Variants in COL6A6 observed in about 807,000 individuals in gnomAD.
COL6A6 encodes the protein collagen type VI alpha 6 chain.
A neutral mutation model predicts 208.6 loss-of-function variants in COL6A6; 183 were observed. The observed-to-expected ratio is 0.88, with a 90% CI of 0.78 to 0.99. COL6A6 has a LOEUF of 0.99. Ranked by LOEUF, COL6A6 falls within the 50% of genes least tolerant of loss-of-function variation. COL6A6 has a pLI of 0.00. For missense variants in COL6A6, 2,816 were observed against 2,815.2 expected, an observed-to-expected ratio of 1.00 and a Z score of -0.01; for synonymous variants, 973 against 1,011.8, an observed-to-expected ratio of 0.96 and a Z score of 0.73.
chr3:130,563,734 G>A, intron 3 of COL6A6, 70 bp downstream of exon 3: 1 of 1,015,550 alleles, frequency 9.8e-7, no homozygotes, highest in Non-Finnish European at 1.5e-6. Flanking sequence ...GGAGAGGATT[G>A]AAATTCTATG....
At chr3:130,544,967 C>T (rs1429783553) in intron 1 of COL6A6, among the ~76,000 whole-genome samples, 1 of 152,134 alleles carries the variant, frequency 6.6e-6, no homozygotes, top group Non-Finnish European at 1.5e-5. Context: ...CTGTAAGCTG[C>T]CTTTTCATTT....
At chr3:130,581,440 T>C (rs549264837) in intron 8 of COL6A6, 121 bp from the exon 9 acceptor site, 2 of 675,464 alleles carry the variant, frequency 3.0e-6, no homozygotes, top group Admixed American at 6.3e-5. Flanking sequence ...TTTATGCCTT[T>C]CTTTGTGTTC....
intron 33 of COL6A6, among the ~76,000 whole-genome samples, chr3:130,653,345 C>CA (rs1332770618): frequency 6.6e-6 from 1 of 152,116 alleles, no homozygotes; most frequent in Non-Finnish European, 1.5e-5. Flanking sequence ...TGATTAGAGA[C>CA]AGAGTTGAAA....
chr3:130,643,039 A>C lies in COL6A6; in HGVS notation c.5227+16A>C. The C allele has an allele frequency of 6.2e-7, 1 of 1,611,490 alleles. No homozygotes were observed. The highest frequency in any genetic ancestry group is 8.5e-7 in the Non-Finnish European group (1 of 1,177,798). On this transcript the variant is annotated intron_variant, in intron 31 of 36. Coordinates refer to ENST00000358511, the MANE Select transcript of COL6A6 (RefSeq NM_001102608.3). ...GACCGCAGTCGTAAGTACCCTGCTT[A>C]AAATGATCACCCAAGTTGTCAGCAT...
At chr3:130,597,069 A>G (rs900116171) in intron 18 of COL6A6, among the ~76,000 whole-genome samples, 6 of 152,120 alleles carry the variant, frequency 3.9e-5, no homozygotes, top group Non-Finnish European at 4.4e-5. Context: ...GATTCTTTTT[A>G]TGTTATCTCT....
chr3:130,569,714 TG>T (rs1165208445), intron 6 of COL6A6, among the ~76,000 whole-genome samples: 1 of 152,204 alleles, frequency 6.6e-6, no homozygotes, highest in Non-Finnish European at 1.5e-5. Context: ...CCCAGTCTCC[TG>T]GGTAATCCAA....
chr3:130,598,388 C>T lies in COL6A6; in HGVS notation c.4557C>T (p.Ser1519=). The T allele has an allele frequency of 6.4e-7, 1 of 1,550,892 alleles. No homozygotes were observed. The highest frequency in any genetic ancestry group is 8.7e-7 in the Non-Finnish European group (1 of 1,145,984). Residue 1519 remains serine, a synonymous_variant, in exon 19 of 37, where the codon AGC becomes AGT. Transcript: ENST00000358511. ...AGGGAGCTCCTGGAGTTGACAGTAG[C>T]ATAGAAGGACCCACAGGCTTGAAAG... ...GDPGAPGVDS[S]IEGPTGLKGE...
chr3:130,598,774 G>A (rs1407034784), intron 19 of COL6A6, among the ~76,000 whole-genome samples: 2 of 152,164 alleles, frequency 1.3e-5, no homozygotes, highest in African/African-American at 4.8e-5. Flanking sequence ...TCCAGTATCT[G>A]GAGGTAACAT....
intron 24 of COL6A6, among the ~76,000 whole-genome samples, chr3:130,624,275 G>C (rs1023418065): frequency 6.6e-6 from 1 of 152,158 alleles, no homozygotes; most frequent in African/African-American, 2.4e-5. Context: ...ATGTAAGAAA[G>C]AGTAGACAGA....
chr3:130,522,612 G>A (rs1054844561), intron 1 of COL6A6, among the ~76,000 whole-genome samples: 4 of 152,018 alleles, frequency 2.6e-5, no homozygotes, highest in Admixed American at 6.6e-5. Context: ...CTGCCCACAA[G>A]GCACTTGAAG....
Position 130,571,373 on chromosome 3 carries a change from T to A in COL6A6, c.2957T>A (p.Val986Asp), listed in dbSNP as rs772743636. Residue 986 changes from valine to aspartate, a missense_variant, in exon 7 of 37, where the codon GTC (valine) becomes GAC (aspartate). By Grantham distance (152) the Val-to-Asp change is radical (BLOSUM62 -3). Coordinates refer to ENST00000358511, the MANE Select transcript of COL6A6 (RefSeq NM_001102608.3). The stretch of plus-strand genomic sequence containing the variant: ...ATATTTTCAGATGTGACAGCCAGTG[T>A]CTGCAACTCTTCAAAAGTAGGTAAG... The part of the protein sequence containing the change: ...KGIFSDVTAS[V>D]CNSSKVDCEI... 1.9e-6 allele frequency: 3 copies of A among 1,573,270 alleles called. No homozygotes were observed. The East Asian group carries it at 6.7e-5, about 35-fold the overall frequency.
chr3:130,559,799 TATATGGA>T (rs1400071498), intron 1 of COL6A6, among the ~76,000 whole-genome samples: 2 of 152,188 alleles, frequency 1.3e-5, no homozygotes, highest in Admixed American at 1.3e-4. Context: ...AGCAAGACAT[TATATGGA>T]ATATGGAAAA....
chr3:130,621,984 C>A, intron 24 of COL6A6, 101 bp downstream of exon 24: 1 of 994,804 alleles, frequency 1.0e-6, no homozygotes, highest in Non-Finnish European at 1.6e-6. Context: ...AACAAGAACA[C>A]ATTTTCTGGT....
chr3:130,531,067 CT>C (rs2062081861), intron 1 of COL6A6, among the ~76,000 whole-genome samples: 1 of 135,894 alleles, frequency 7.4e-6, no homozygotes, highest in African/African-American at 3.6e-5. Flanking sequence ...CACAGTCTCT[CT>C]CTCTCTCTCT....
chr3:130,592,665 A>G (rs368744730), intron 14 of COL6A6, 31 bp from the exon 15 acceptor site: 51 of 1,612,868 alleles, frequency 3.2e-5, no homozygotes, highest in Middle Eastern at 3.3e-4. Flanking sequence ...ACATTTTCCT[A>G]CACTAACTAT....
chr3:130,674,251 C>T (rs1169164258), intron 36 of COL6A6, among the ~76,000 whole-genome samples: 1 of 152,176 alleles, frequency 6.6e-6, no homozygotes. Flanking sequence ...ATTTCAGTTC[C>T]TCAGTCACAC....
rs1453319096 is a variant in COL6A6, at chr3:130,642,978, G to A, written c.5191-9G>A. 7 of 1,613,674 alleles carry A rather than the reference G, an allele frequency of 4.3e-6. No individual in the cohort carries two copies. The highest frequency in any genetic ancestry group is 1.7e-5 in the Admixed American group (1 of 59,984). On this transcript the variant is annotated splice_polypyrimidine_tract_variant and intron_variant, in intron 30 of 36. Transcript: ENST00000358511. ...GTTTAATTGTTTCTGTTTTATTTTC[G>A]AACTGCAGACATGTGAGCTCATTCA... is the stretch of plus-strand genomic sequence containing the variant.
chr3:130,548,237 T>C lies in COL6A6; in HGVS notation c.-31-12097T>C, dbSNP rs1465807064. ...ATTTTTTCCTGGTAGCTGGATGCAA[T>C]GTGCTGGGTAAAAGGAACTGCAGTC... On this transcript the variant is annotated intron_variant, in intron 1 of 36. Transcript: ENST00000358511. 2.0e-5 allele frequency among the ~76,000 whole-genome samples: 3 copies of C among 152,220 alleles called. No homozygotes were observed. The East Asian group carries it at 5.8e-4, about 29-fold the overall frequency.
At chr3:130,606,662 A>T (rs1390087642) in intron 20 of COL6A6, among the ~76,000 whole-genome samples, 1 of 152,210 alleles carries the variant, frequency 6.6e-6, no homozygotes, top group Non-Finnish European at 1.5e-5. Context: ...TATTGACCAC[A>T]GTCTGTTCTC....
Sources: allele counts gnomAD v4.1 joint callset (sites outside exome capture counted in the v4.1 genomes callset), GRCh38; gene constraint gnomAD v4.1.1; transcripts MANE v1.5; gene names NCBI Gene and HGNC (gene_info 2026-07-23, HGNC 2026-07-21).